Variants in PLCE1 observed in about 807,000 individuals in gnomAD.
PLCE1 encodes the protein 1-phosphatidylinositol 4,5-bisphosphate phosphodiesterase epsilon-1.
Under a neutral mutation model 242.8 loss-of-function variants are expected in PLCE1, and 119 were observed. That is an observed-to-expected ratio of 0.49 (90% confidence interval 0.42 to 0.57). PLCE1 has a LOEUF of 0.57. PLCE1 is among the 20% of genes least tolerant of loss of function. The pLI, the probability that PLCE1 is intolerant of heterozygous loss-of-function variation, is 0.00. For missense variants in PLCE1, 2,441 were observed against 2,788.8 expected, an observed-to-expected ratio of 0.88 and a Z score of 2.81; for synonymous variants, 945 against 1,017.4, an observed-to-expected ratio of 0.93 and a Z score of 1.35.
intron 1 of PLCE1, among the ~76,000 whole-genome samples, chr10:94,004,494 T>A (rs2134204819): frequency 6.6e-6 from 1 of 152,338 alleles, no homozygotes; most frequent in Non-Finnish European, 1.5e-5. Flanking sequence ...ACTTTAACTC[T>A]GCGTTTGACA....
chr10:94,006,263 A>G (rs1350154060), intron 1 of PLCE1, among the ~76,000 whole-genome samples: 1 of 152,238 alleles, frequency 6.6e-6, no homozygotes, highest in Non-Finnish European at 1.5e-5. Flanking sequence ...TGTAAAGCTT[A>G]TTACTGTGTT....
Position 94,284,623 on chromosome 10 carries a change from C to T in PLCE1, c.4918-225C>T, listed in dbSNP as rs2052370571. ...TTTATTGACCATTCCACATGTAAGA[C>T]AGTGGACCATGCACTGAGGGAAGAT... On this transcript the variant is annotated intron_variant, in intron 21 of 32. Transcript: ENST00000371380. Among the ~76,000 whole-genome samples the T allele has an allele frequency of 2.6e-5, 4 of 152,118 alleles. No individual in the cohort carries two copies. In the South Asian group the frequency reaches 8.3e-4, roughly 31 times the overall value.
At chr10:94,249,221 C>T (rs567138583) in intron 8 of PLCE1, among the ~76,000 whole-genome samples, 173 of 152,076 alleles carry the variant, frequency 1.1e-3, no homozygotes, top group Non-Finnish European at 2.2e-3. Flanking sequence ...AGATTTCTTT[C>T]GAAAGAAAAA....
chr10:94,267,463 C>T (rs2051558971), intron 16 of PLCE1, among the ~76,000 whole-genome samples: 1 of 152,162 alleles, frequency 6.6e-6, no homozygotes, highest in Non-Finnish European at 1.5e-5. Context: ...TCATTTCTAA[C>T]CCCTCTCCAC....
At chr10:94,213,059 A>G (rs780077893) in intron 4 of PLCE1, among the ~76,000 whole-genome samples, 16 of 152,190 alleles carry the variant, frequency 1.1e-4, no homozygotes, top group Middle Eastern at 3.2e-3. Context: ...ATTGAATTCC[A>G]TACTCTCAGC....
intron 24 of PLCE1, among the ~76,000 whole-genome samples, chr10:94,299,092 G>A (rs546113862): frequency 6.6e-5 from 10 of 152,288 alleles, no homozygotes; most frequent in Admixed American, 2.0e-4. Context: ...CCATGTTAGC[G>A]TCTTATCCTT....
intron 1 of PLCE1, among the ~76,000 whole-genome samples, chr10:94,026,771 C>G (rs924771957): frequency 3.9e-5 from 6 of 152,072 alleles, no homozygotes; most frequent in African/African-American, 1.4e-4. Flanking sequence ...GAGTTGATCC[C>G]AGATATAGAA....
intron 5 of PLCE1, among the ~76,000 whole-genome samples, chr10:94,229,172 ACT>A (rs777398693): frequency 5.3e-4 from 78 of 148,286 alleles, no homozygotes; most frequent in Admixed American, 8.2e-4. Flanking sequence ...TAAGAGGGAA[ACT>A]CTGTATCAAA....
At chr10:94,309,092 G>C (rs2053299517) in intron 27 of PLCE1, among the ~76,000 whole-genome samples, 1 of 152,210 alleles carries the variant, frequency 6.6e-6, no homozygotes, top group South Asian at 2.1e-4. Flanking sequence ...GCGAAGCCTA[G>C]TAGGAAGCAT....
chr10:94,085,275 A>G (rs527473560), intron 2 of PLCE1, among the ~76,000 whole-genome samples: 7 of 152,284 alleles, frequency 4.6e-5, no homozygotes, highest in African/African-American at 9.6e-5. Context: ...CCCATCTGGT[A>G]CTGGCTTGTT....
intron 30 of PLCE1, among the ~76,000 whole-genome samples, chr10:94,323,525 G>C (rs2053897316): frequency 6.6e-6 from 1 of 152,176 alleles, no homozygotes; most frequent in Non-Finnish European, 1.5e-5. Context: ...GTTGGCTCCA[G>C]CAAAACACTA....
chr10:94,181,469 G>A (rs1026537215), intron 4 of PLCE1, among the ~76,000 whole-genome samples: 1 of 151,966 alleles, frequency 6.6e-6, no homozygotes, highest in African/African-American at 2.4e-5. Context: ...CCAGCTACTC[G>A]GGAGGCTGAG....
In PLCE1 at chr10:94,227,451, G is replaced by C; in HGVS notation, c.1955G>C (p.Arg652Thr). Residue 652 changes from arginine to threonine, a missense_variant and splice_region_variant, in exon 5 of 33, where the codon AGG (arginine) becomes ACG (threonine). Arg to Thr is a moderately conservative substitution (Grantham distance 71, BLOSUM62 -1). Coordinates refer to ENST00000371380, the MANE Select transcript of PLCE1 (RefSeq NM_016341.4). ...NAVMEFLAGL[R>T]SRKVLKMWQF... The stretch of plus-strand genomic sequence containing the variant: ...GTCATGGAGTTCTTGGCTGGCCTCA[G>C]GTATAGTCAGTGGGGAATATGGTTA... 6.2e-7 allele frequency: 1 copy of C among 1,613,710 alleles called. No individual in the cohort carries two copies.
At chr10:94,180,229 T>C (rs1463368380) in intron 4 of PLCE1, among the ~76,000 whole-genome samples, 2 of 152,160 alleles carry the variant, frequency 1.3e-5, no homozygotes, top group African/African-American at 2.4e-5. Context: ...CGCAATAGGA[T>C]TCAGAATTTT....
intron 5 of PLCE1, among the ~76,000 whole-genome samples, chr10:94,229,654 A>C (rs1187558344): frequency 2.6e-5 from 4 of 152,212 alleles, no homozygotes; most frequent in Admixed American, 6.5e-5. Flanking sequence ...ATGGAGGCCT[A>C]GAGTGAATGG....
chr10:94,300,089 T>A (rs995707267), intron 24 of PLCE1, among the ~76,000 whole-genome samples: 1 of 152,188 alleles, frequency 6.6e-6, no homozygotes, highest in Non-Finnish European at 1.5e-5. Flanking sequence ...CCTGGTGCCA[T>A]TGGTTATTAT....
Position 94,268,929 on chromosome 10 carries a change from G to A in PLCE1, c.4282G>A (p.Val1428Ile). 1 of 1,596,228 alleles carries A rather than the reference G, an allele frequency of 6.3e-7. No individual in the cohort carries two copies. ...GTGGATTCGCTCATTGATCACACAG[G>A]TCCTTTTGCAAGGCTGTCGAAGTGT... ...GESSVELYSQ[V>I]LLQGCRSVEL... Residue 1428 changes from valine (V) to isoleucine (I), a missense_variant and splice_region_variant, in exon 17 of 33, where the codon GTC becomes ATC. Val to Ile is a conservative substitution (Grantham distance 29). Transcript: ENST00000371380.
intron 11 of PLCE1, among the ~76,000 whole-genome samples, chr10:94,257,787 G>A (rs1021106292): frequency 6.6e-6 from 1 of 152,152 alleles, no homozygotes; most frequent in African/African-American, 2.4e-5. Context: ...GGAGGGAGGA[G>A]GGAGGGATAG....
At chr10:94,019,798 A>C (rs540899411) in intron 1 of PLCE1, among the ~76,000 whole-genome samples, 7 of 152,236 alleles carry the variant, frequency 4.6e-5, no homozygotes, top group Non-Finnish European at 7.3e-5. Flanking sequence ...GGCTTCTTTC[A>C]TGCAATGTGG....
Sources: allele counts gnomAD v4.1 joint callset (sites outside exome capture counted in the v4.1 genomes callset), GRCh38; gene constraint gnomAD v4.1.1; transcripts MANE v1.5; gene names NCBI Gene and HGNC (gene_info 2026-07-23, HGNC 2026-07-21).